Variants in MAF observed in about 807,000 individuals in gnomAD.
MAF encodes the protein transcription factor Maf.
In MAF, 10 loss-of-function variants were observed where a neutral mutation model predicts 22.0. The observed-to-expected ratio is 0.45, with a 90% CI of 0.28 to 0.77. The LOEUF is 0.77. Ranked by LOEUF, MAF falls within the 30% of genes least tolerant of loss-of-function variation. The pLI, the probability that MAF is intolerant of heterozygous loss-of-function variation, is 0.12. For missense variants in MAF, 544 were observed against 548.4 expected, an observed-to-expected ratio of 0.99 and a Z score of 0.08; for synonymous variants, 337 against 255.8, an observed-to-expected ratio of 1.32 and a Z score of -3.03.
At chr16:79,334,446 G>C in the MAF span, among the ~76,000 whole-genome samples, 3 of 152,168 alleles carry the variant, frequency 2.0e-5, no homozygotes, top group Non-Finnish European at 2.9e-5. Context: ...GACTGAGATT[G>C]TGCCCGAGGG....
the MAF span, among the ~76,000 whole-genome samples, chr16:79,414,850 G>A: frequency 6.6e-6 from 1 of 152,156 alleles, no homozygotes; most frequent in Non-Finnish European, 1.5e-5. Flanking sequence ...GTAGGACCAG[G>A]GAACTCCTCC....
At chr16:79,498,270 C>G in the MAF span, among the ~76,000 whole-genome samples, 1 of 152,194 alleles carries the variant, frequency 6.6e-6, no homozygotes, top group South Asian at 2.1e-4. Flanking sequence ...ATTGCAACTT[C>G]TCGGCTCTGG....
the MAF span, among the ~76,000 whole-genome samples, chr16:79,373,883 T>C: frequency 1.3e-5 from 2 of 152,216 alleles, no homozygotes; most frequent in Non-Finnish European, 2.9e-5. Context: ...ATTTCAGGTA[T>C]TCTGCTATGT....
At chr16:79,513,749 C>T in the MAF span, among the ~76,000 whole-genome samples, 3 of 152,256 alleles carry the variant, frequency 2.0e-5, no homozygotes, top group South Asian at 2.1e-4. Context: ...TGTTTAAAAG[C>T]GCTTAGCTGA....
the MAF span, among the ~76,000 whole-genome samples, chr16:79,570,713 C>T: frequency 2.0e-5 from 3 of 152,172 alleles, no homozygotes; most frequent in Admixed American, 1.3e-4. Context: ...CCCACGATGG[C>T]CAATTTCATG....
the MAF span, among the ~76,000 whole-genome samples, chr16:79,256,674 T>C: frequency 3.9e-5 from 6 of 152,184 alleles, no homozygotes. Context: ...GACCATCCTT[T>C]CTGAGTTCCA....
the MAF span, among the ~76,000 whole-genome samples, chr16:79,210,733 A>T: frequency 6.6e-6 from 1 of 152,140 alleles, no homozygotes; most frequent in African/African-American, 2.4e-5. Flanking sequence ...TGCAAAGCAA[A>T]GTGATTTCTT....
chr16:79,367,555 T>C, the MAF span, among the ~76,000 whole-genome samples: 1 of 152,194 alleles, frequency 6.6e-6, no homozygotes, highest in Non-Finnish European at 1.5e-5. Context: ...ACTAAGTGAC[T>C]CAGGGATATA....
chr16:79,490,550 C>T, the MAF span, among the ~76,000 whole-genome samples: 1 of 152,134 alleles, frequency 6.6e-6, no homozygotes, highest in Non-Finnish European at 1.5e-5. Flanking sequence ...TATGCACTGA[C>T]ATAAACAGAT....
the MAF span, among the ~76,000 whole-genome samples, chr16:79,219,536 G>C: frequency 0.025 from 3,049 of 120,234 alleles, 124 homozygotes; most frequent in African/African-American, 0.093. Context: ...GGGCGACAGC[G>C]AGACTCTGCC....
the MAF span, among the ~76,000 whole-genome samples, chr16:79,243,647 G>A: frequency 0.011 from 1,623 of 152,124 alleles, 33 homozygotes; most frequent in African/African-American, 0.037. Context: ...ACAAAGAGGA[G>A]CTGGTACCAT....
downstream of MAF, among the ~76,000 whole-genome samples, chr16:79,585,018 CA>C (rs1381789741): frequency 6.6e-6 from 1 of 151,876 alleles, no homozygotes; most frequent in Non-Finnish European, 1.5e-5. Flanking sequence ...CACTAAAAAC[CA>C]AAAAATATAT....
chr16:79,221,953 C>G, the MAF span, among the ~76,000 whole-genome samples: 1 of 152,082 alleles, frequency 6.6e-6, no homozygotes, highest in Non-Finnish European at 1.5e-5. Context: ...ATACACTTCC[C>G]TGGGACACAG....
the MAF span, among the ~76,000 whole-genome samples, chr16:79,385,915 C>CA: frequency 2.0e-5 from 3 of 152,128 alleles, no homozygotes; most frequent in Middle Eastern, 3.4e-3. Context: ...GAAAAACAAA[C>CA]AAAAAAACAA....
chr16:79,381,280 AAGGGTCACATT>A, the MAF span, among the ~76,000 whole-genome samples: 1 of 152,360 alleles, frequency 6.6e-6, no homozygotes, highest in Middle Eastern at 3.4e-3. Flanking sequence ...TGGTTTTAAC[AAGGGTCACATT>A]ATGCATTTCT....
At chr16:79,242,344 C>T in the MAF span, among the ~76,000 whole-genome samples, 6 of 142,178 alleles carry the variant, frequency 4.2e-5, no homozygotes, top group Non-Finnish European at 6.1e-5. Context: ...CATGGAGGAA[C>T]ATTTACCAAG....
the MAF span, among the ~76,000 whole-genome samples, chr16:79,251,638 G>C: frequency 1.3e-5 from 2 of 152,064 alleles, no homozygotes; most frequent in African/African-American, 4.8e-5. Flanking sequence ...ACATATTTAG[G>C]AACATTTACT....
the MAF span, among the ~76,000 whole-genome samples, chr16:79,525,401 G>T: frequency 6.6e-6 from 1 of 152,142 alleles, no homozygotes; most frequent in Non-Finnish European, 1.5e-5. Flanking sequence ...GGACAGAGTG[G>T]TCTTGTTTCT....
At chr16:79,206,908 G>C in the MAF span, among the ~76,000 whole-genome samples, 1 of 152,322 alleles carries the variant, frequency 6.6e-6, no homozygotes, top group Middle Eastern at 3.4e-3. Context: ...CTTGGATAGT[G>C]AGTAGGGAAC....
Sources: allele counts gnomAD v4.1 joint callset (sites outside exome capture counted in the v4.1 genomes callset), GRCh38; gene constraint gnomAD v4.1.1; transcripts MANE v1.5; gene names NCBI Gene and HGNC (gene_info 2026-07-23, HGNC 2026-07-21).